The following BACH2 variants were observed in gnomAD, a reference collection of about 807,000 sequenced individuals.
The protein encoded by BACH2 is BACH transcriptional regulator 2.
In BACH2, 5 loss-of-function variants were observed where a neutral mutation model predicts 61.8. The ratio of observed to expected loss-of-function variants is 0.08; its 90% CI spans 0.04 to 0.17. BACH2 has a LOEUF of 0.17. BACH2 is among the 10% of genes least tolerant of loss of function. BACH2 has a pLI of 1.00. For missense variants in BACH2, 824 were observed against 1,091.1 expected (o/e 0.76, Z 3.45); for synonymous variants, 446 against 440.1 (o/e 1.01, Z -0.17).
At position 90,008,561 on chromosome 6, in the gene BACH2, AT is replaced by A. The variant is rs530522852; in HGVS notation, c.243+40del. The A allele has an allele frequency of 2.0e-4, 329 of 1,609,078 alleles. 1 individual carries two copies. The African/African-American group carries it at 4.0e-3, about 20-fold the overall frequency. On this transcript the variant is annotated intron_variant, in intron 6 of 8. Coordinates refer to ENST00000257749, the MANE Select transcript of BACH2 (RefSeq NM_021813.4). This position sits in a 1 kb window ranked among gnomAD's most constrained non-coding sequence, Gnocchi z 4.1. Reference sequence around the variant, plus strand: ...TAGTCAGCCAGTTTTCTGTAAGTCAATAAACATTCATTAACAATCACACAAA... The same window carrying A: ...TAGTCAGCCAGTTTTCTGTAAGTCAAAAACATTCATTAACAATCACACAAA...
Position 90,008,505 on chromosome 6 carries a change from G to A in BACH2, c.243+97C>T. ...GACTTGGACATCAACTCCTGAGTGG[G>A]GACATGGCACCTAGTACATCTTCTA... On this transcript the variant is annotated intron_variant, in intron 6 of 8. Coordinates refer to ENST00000257749, the MANE Select transcript of BACH2 (RefSeq NM_021813.4). The surrounding 1 kb of genome is among the most constrained non-coding windows in gnomAD (Gnocchi z 4.1). The A allele has an allele frequency of 1.3e-6, 2 of 1,487,478 alleles. No homozygotes were observed. Among genetic ancestry groups the A allele is most frequent in the South Asian group, 2.5e-5 (2 of 80,776 alleles). The allele number at this position is 1,487,478 out of a possible 1,614,324, so 92.1% of individuals were successfully genotyped here.
In BACH2 at chr6:89,932,264, G is replaced by A. The variant is rs970250578; in HGVS notation, c.*144C>T. 5.7e-5 allele frequency: 61 copies of A among 1,079,098 alleles called. 1 individual carries two copies. In the Admixed American group the frequency reaches 6.2e-4, roughly 11 times the overall value. The allele number at this position is 1,079,098 out of a possible 1,614,324, so 66.8% of individuals were successfully genotyped here. On this transcript the variant is annotated 3_prime_UTR_variant, in exon 9 of 9. Coordinates refer to ENST00000257749, the MANE Select transcript of BACH2 (RefSeq NM_021813.4). ...GCTCGAGAAGAGGAGAGGATACTTC[G>A]GAACAGTATTGCTGCTAAGACCGCT...
chr6:90,055,086 A>ACAG (rs1374894962), intron 5 of BACH2, among the ~76,000 whole-genome samples: 1 of 152,244 alleles, frequency 6.6e-6, no homozygotes, highest in African/African-American at 2.4e-5. Flanking sequence ...TCAAAGGAAC[A>ACAG]CAGCTCCTCA....
chr6:89,933,671 T>G (rs865914616), intron 8 of BACH2, among the ~76,000 whole-genome samples: 1 of 152,128 alleles, frequency 6.6e-6, no homozygotes, highest in Non-Finnish European at 1.5e-5. Flanking sequence ...AGTTTTGCTG[T>G]GAACCTAAAA....
At chr6:90,270,362 C>T (rs1372404296) in intron 2 of BACH2, among the ~76,000 whole-genome samples, 6 of 152,110 alleles carry the variant, frequency 3.9e-5, no homozygotes, top group African/African-American at 1.2e-4. Flanking sequence ...CAAAAAGCTC[C>T]TAGATCAGTA....
chr6:90,160,484 CT>C (rs1785154281), intron 4 of BACH2, among the ~76,000 whole-genome samples: 1 of 152,168 alleles, frequency 6.6e-6, no homozygotes, highest in Non-Finnish European at 1.5e-5. Flanking sequence ...TCTGTGAATT[CT>C]TTTAAAATGA....
At position 89,932,709 on chromosome 6, in the gene BACH2, G is replaced by A; in HGVS notation, c.2225C>T (p.Ser742Phe). Residue 742 changes from serine to phenylalanine, a missense_variant, in exon 9 of 9, where the codon TCC (serine) becomes TTC (phenylalanine). By Grantham distance (155) the Ser-to-Phe change is radical. Coordinates refer to ENST00000257749, the MANE Select transcript of BACH2 (RefSeq NM_021813.4). ...ACCCAAGGGCGCAGGGTTAATACTG[G>A]AGGCCGTGGGCAAGTCCATGGGTCT... ...VLRPMDLPTA[S>F]SINPAPLGAE... is the part of the protein sequence containing the mutation. 4 of 1,614,146 alleles carry A rather than the reference G, an allele frequency of 2.5e-6. No homozygotes were observed. Among genetic ancestry groups the A allele is most frequent in the Non-Finnish European group, 3.4e-6 (4 of 1,180,020 alleles).
chr6:90,232,792 A>G (rs1770141093), intron 3 of BACH2, among the ~76,000 whole-genome samples: 1 of 152,210 alleles, frequency 6.6e-6, no homozygotes, highest in South Asian at 2.1e-4. Context: ...AGCTGCCAAA[A>G]AGTTCAAAAC....
intron 4 of BACH2, among the ~76,000 whole-genome samples, chr6:90,196,130 T>C (rs1331599619): frequency 6.6e-6 from 1 of 151,154 alleles, no homozygotes; most frequent in African/African-American, 2.4e-5. Context: ...GCAAGTACTT[T>C]TTTTTTTTTT....
intron 3 of BACH2, among the ~76,000 whole-genome samples, chr6:90,240,727 A>T (rs1323781500): frequency 6.6e-6 from 1 of 152,152 alleles, no homozygotes; most frequent in Non-Finnish European, 1.5e-5. Context: ...TGGCTTTCTT[A>T]GAGTGAACCT....
chr6:90,249,732 G>A (rs1057409251), intron 3 of BACH2, among the ~76,000 whole-genome samples: 4 of 152,136 alleles, frequency 2.6e-5, no homozygotes, highest in Admixed American at 2.6e-4. Context: ...CCATGATTGC[G>A]CTACTGCACT....
At chr6:89,960,118 A>T (rs528867586) in intron 6 of BACH2, among the ~76,000 whole-genome samples, 1 of 152,274 alleles carries the variant, frequency 6.6e-6, no homozygotes, top group Non-Finnish European at 1.5e-5. Context: ...TAGGAGTGGT[A>T]GATACTTTCT....
At chr6:89,975,587 G>A (rs561093009) in intron 6 of BACH2, among the ~76,000 whole-genome samples, 4 of 152,252 alleles carry the variant, frequency 2.6e-5, no homozygotes, top group East Asian at 3.9e-4. Context: ...CTGCCTGGCC[G>A]CTGTCTGGTA....
chr6:90,102,741 G>C (rs1437580206), intron 4 of BACH2, among the ~76,000 whole-genome samples: 1 of 150,390 alleles, frequency 6.6e-6, no homozygotes, highest in South Asian at 2.1e-4. Context: ...AGTGAGCCGA[G>C]ATTGCGCCAT....
rs1248710864 is a variant in BACH2 at position 89,932,313 on chromosome 6, C to T, written c.*95G>A. ...CTGTAGTGTGCACCAAATGTGTTCT[C>T]GGTTTCTTCGGGACAGCAGATGAAC... On this transcript the variant is annotated 3_prime_UTR_variant, in exon 9 of 9. Coordinates refer to ENST00000257749, the MANE Select transcript of BACH2 (RefSeq NM_021813.4). 34 of 1,479,052 alleles carry T rather than the reference C, an allele frequency of 2.3e-5. No individual in the cohort carries two copies. Among genetic ancestry groups the T allele is most frequent in the Admixed American group, 3.7e-5 (2 of 53,336 alleles). 91.6% of individuals were successfully genotyped at this position (1,479,052 alleles called of 1,614,324 possible).
intron 4 of BACH2, among the ~76,000 whole-genome samples, chr6:90,205,250 CT>C (rs1173320526): frequency 2.6e-5 from 4 of 152,314 alleles, no homozygotes; most frequent in Admixed American, 2.0e-4. Flanking sequence ...TCGAACAGGG[CT>C]GTCCAACTCT....
At chr6:90,048,219 C>T (rs1460598551) in intron 5 of BACH2, among the ~76,000 whole-genome samples, 5 of 152,066 alleles carry the variant, frequency 3.3e-5, no homozygotes, top group African/African-American at 1.2e-4. Flanking sequence ...GCCTTGAATT[C>T]CTGGGCTCAA....
chr6:90,134,135 A>G (rs1006528129), intron 4 of BACH2, among the ~76,000 whole-genome samples: 13 of 152,224 alleles, frequency 8.5e-5, no homozygotes, highest in African/African-American at 3.1e-4. Flanking sequence ...ACAATGGTTG[A>G]ACTAGTTTAC....
chr6:90,211,631 T>C (rs181376175), intron 3 of BACH2, among the ~76,000 whole-genome samples: 1,677 of 141,082 alleles, frequency 0.012, 35 homozygotes, highest in African/African-American at 0.042. Flanking sequence ...TGTGTGTGTG[T>C]GCTCTCCTGA....
Sources: allele counts gnomAD v4.1 joint callset (sites outside exome capture counted in the v4.1 genomes callset), GRCh38; gene constraint gnomAD v4.1.1; non-coding constraint Gnocchi (gnomAD v3.1); transcripts MANE v1.5; gene names NCBI Gene and HGNC (gene_info 2026-07-23, HGNC 2026-07-21).